Variants in MOB3B observed in about 807,000 individuals in gnomAD.
MOB3B encodes MOB kinase activator 3B.
MOB3B carries 7 observed loss-of-function variants against 18.7 expected under a neutral mutation model. The ratio of observed to expected loss-of-function variants is 0.37; its 90% confidence interval spans 0.21 to 0.70. The LOEUF (loss-of-function observed/expected upper bound fraction) is 0.70. Ranked by LOEUF, MOB3B falls within the 30% of genes least tolerant of loss-of-function variation. The probability of loss-of-function intolerance (pLI) is 0.52; values close to 1 mark genes in which losing one functional copy is unlikely to be tolerated. For missense variants in MOB3B, 253 were observed against 281.3 expected (o/e 0.90, Z 0.72); for synonymous variants, 111 against 99.9 (o/e 1.11, Z -0.66).
intron 2 of MOB3B, among the ~76,000 whole-genome samples, chr9:27,440,647 A>G (rs1822580775): frequency 6.6e-6 from 1 of 152,232 alleles, no homozygotes; most frequent in Non-Finnish European, 1.5e-5. Context: ...CTGTGTGTGT[A>G]TCAAGTCCCA....
At chr9:27,382,122 G>A (rs1050465926) in intron 2 of MOB3B, among the ~76,000 whole-genome samples, 3 of 152,152 alleles carry the variant, frequency 2.0e-5, no homozygotes, top group South Asian at 2.1e-4. Context: ...TCAAATGAGC[G>A]ATGAAATGAC....
At chr9:27,464,553 A>G (rs187897991) in intron 1 of MOB3B, among the ~76,000 whole-genome samples, 77 of 152,322 alleles carry the variant, frequency 5.1e-4, no homozygotes, top group Middle Eastern at 3.4e-3. Flanking sequence ...CATTTAACAC[A>G]TTACATTCCT....
intron 1 of MOB3B, among the ~76,000 whole-genome samples, chr9:27,519,957 C>G (rs964985171): frequency 2.0e-5 from 3 of 151,996 alleles, no homozygotes; most frequent in Non-Finnish European, 2.9e-5. Flanking sequence ...TCTGCATGCC[C>G]CATGGGAAGT....
At chr9:27,366,909 C>A (rs573490216) in intron 2 of MOB3B, among the ~76,000 whole-genome samples, 1 of 152,352 alleles carries the variant, frequency 6.6e-6, no homozygotes, top group Non-Finnish European at 1.5e-5. Context: ...TCCGCAGACC[C>A]AGCTTCCCTG....
intron 1 of MOB3B, among the ~76,000 whole-genome samples, chr9:27,479,248 G>A (rs527459293): frequency 3.3e-5 from 5 of 151,900 alleles, no homozygotes; most frequent in Admixed American, 6.6e-5. Context: ...AGGGAAGGAG[G>A]CTAAACTCAT....
intron 2 of MOB3B, among the ~76,000 whole-genome samples, chr9:27,424,545 T>C (rs1031680150): frequency 2.6e-5 from 4 of 152,200 alleles, no homozygotes; most frequent in Non-Finnish European, 5.9e-5. Context: ...TCTGAGTGAT[T>C]CTTGCTATTG....
intron 3 of MOB3B, among the ~76,000 whole-genome samples, chr9:27,355,605 G>C (rs187663749): frequency 6.7e-6 from 1 of 149,442 alleles, no homozygotes; most frequent in Admixed American, 6.7e-5. Context: ...TTTTGCCCAG[G>C]CCGGACTGCA....
chr9:27,466,136 C>A (rs1303450670), intron 1 of MOB3B, among the ~76,000 whole-genome samples: 2 of 152,170 alleles, frequency 1.3e-5, no homozygotes, highest in Non-Finnish European at 2.9e-5. Context: ...TCTTTTAAAA[C>A]AGAATGCATT....
intron 3 of MOB3B, among the ~76,000 whole-genome samples, chr9:27,357,886 T>TCCAAAAAAAAAAAAAAAAAAA (rs1563849115): frequency 4.0e-5 from 1 of 25,316 alleles, no homozygotes; most frequent in Non-Finnish European, 7.2e-5. Flanking sequence ...ATCCCATCGC[T>TCCAAAAAAAAAAAAAAAAAAA]ACAAAAAAAA....
At chr9:27,358,823 C>G (rs572139496) in intron 3 of MOB3B, 4 of 746,316 alleles carry the variant, frequency 5.4e-6, no homozygotes, top group South Asian at 2.7e-5. Flanking sequence ...TCTGCCACCT[C>G]TTGGAGGGTA....
intron 1 of MOB3B, among the ~76,000 whole-genome samples, chr9:27,464,279 C>T (rs1262999975): frequency 1.3e-5 from 2 of 152,130 alleles, no homozygotes; most frequent in African/African-American, 2.4e-5. Flanking sequence ...AAAGAAAATG[C>T]TTCATTCTTG....
chr9:27,528,569 T>C (rs1820476608), intron 1 of MOB3B, among the ~76,000 whole-genome samples: 1 of 152,200 alleles, frequency 6.6e-6, no homozygotes, highest in Admixed American at 6.5e-5. Flanking sequence ...TCCTCCACTT[T>C]CCCAGCTGGG....
chr9:27,405,275 T>C (rs1386090479), intron 2 of MOB3B, among the ~76,000 whole-genome samples: 2 of 151,784 alleles, frequency 1.3e-5, no homozygotes, highest in African/African-American at 4.8e-5. Flanking sequence ...GCCCGGTTAG[T>C]TTTTGTATTT....
At chr9:27,508,248 A>G (rs114151041) in intron 1 of MOB3B, among the ~76,000 whole-genome samples, 1,757 of 152,280 alleles carry the variant, frequency 0.012, 39 homozygotes, top group African/African-American at 0.04. Context: ...AGTTTCTTGA[A>G]ATCTCTGTAC....
chr9:27,507,976 TTTTG>T (rs1820084979), intron 1 of MOB3B, among the ~76,000 whole-genome samples: 1 of 152,196 alleles, frequency 6.6e-6, no homozygotes, highest in Non-Finnish European at 1.5e-5. Context: ...ACAGATGAGT[TTTTG>T]TTTATCTGTT....
chr9:27,382,721 T>TAC (rs747478830), intron 2 of MOB3B, among the ~76,000 whole-genome samples: 2 of 148,314 alleles, frequency 1.3e-5, no homozygotes, highest in Admixed American at 6.7e-5. Context: ...GAAGGTGATA[T>TAC]ATATATATAT....
In MOB3B at chr9:27,415,450, A is replaced by C. The variant is rs568194398; in HGVS notation, c.418+39683T>G. On this transcript the variant is annotated intron_variant, in intron 2 of 3. Coordinates refer to ENST00000262244, the MANE Select transcript of MOB3B (RefSeq NM_024761.5). Reference sequence around the variant, plus strand: ...TTTTTAGAACTTATCTGTAAGTCTAAAGTTATTTTCAATTATAAAACATAA... The same window carrying C: ...TTTTTAGAACTTATCTGTAAGTCTACAGTTATTTTCAATTATAAAACATAA... Among the ~76,000 whole-genome samples the C allele has an allele frequency of 2.9e-4, 44 of 152,210 alleles. 1 individual carries two copies. The highest frequency in any genetic ancestry group is 2.4e-3 in the Admixed American group (36 of 15,292).
chr9:27,369,357 C>A (rs1440244150), intron 2 of MOB3B, among the ~76,000 whole-genome samples: 1 of 152,200 alleles, frequency 6.6e-6, no homozygotes, highest in Non-Finnish European at 1.5e-5. Context: ...TTGTCTTGAA[C>A]AGTTGCTGAT....
intron 2 of MOB3B, among the ~76,000 whole-genome samples, chr9:27,375,334 G>A (rs950808669): frequency 5.3e-5 from 8 of 152,184 alleles, no homozygotes; most frequent in Non-Finnish European, 1.0e-4. Flanking sequence ...TTTTCTGAAC[G>A]GAATCCCAGG....
Sources: gnomAD v4.1 joint callset for allele counts (sites outside exome capture counted in the v4.1 genomes callset) on GRCh38, gnomAD v4.1.1 for gene constraint, MANE v1.5 for transcripts, NCBI Gene and HGNC (gene_info 2026-07-23, HGNC 2026-07-21) for gene names.